The following ZNF385D variants were observed in gnomAD, a reference collection of about 807,000 sequenced individuals.
ZNF385D encodes zinc finger protein 385D.
ZNF385D carries 15 observed loss-of-function variants against 35.8 expected under a neutral mutation model. The observed-to-expected ratio is 0.42, with a 90% CI of 0.28 to 0.64. The LOEUF (loss-of-function observed/expected upper bound fraction) is 0.64. Among genes scored for constraint, ZNF385D ranks in the 30% least tolerant of loss-of-function variants. The pLI is 0.23. For missense variants in ZNF385D, 474 were observed against 494.6 expected (o/e 0.96, Z 0.39); for synonymous variants, 212 against 186.8 (o/e 1.13, Z -1.10).
intron 3 of ZNF385D, among the ~76,000 whole-genome samples, chr3:21,807,054 G>C (rs991720105): frequency 1.3e-5 from 2 of 151,970 alleles, no homozygotes; most frequent in African/African-American, 4.8e-5. Flanking sequence ...AACCAGAAGA[G>C]AGAAAGAAGG....
At chr3:21,977,843 A>AC (rs1246620524) in intron 3 of ZNF385D, among the ~76,000 whole-genome samples, 2 of 152,046 alleles carry the variant, frequency 1.3e-5, no homozygotes, top group East Asian at 3.9e-4. Flanking sequence ...CTCTAAAAAA[A>AC]GGAAAACAAA....
chr3:21,681,698 G>GAAAAAAAAAAAAAAAAAAAAAA (rs5847124), intron 1 of ZNF385D, among the ~76,000 whole-genome samples: 1 of 133,218 alleles, frequency 7.5e-6, no homozygotes, highest in Non-Finnish European at 1.6e-5. Context: ...AAAAAAAAAC[G>GAAAAAAAAAAAAAAAAAAAAAA]AAAAAAAAAA....
intron 2 of ZNF385D, among the ~76,000 whole-genome samples, chr3:22,272,100 C>T (rs1701207649): frequency 6.6e-6 from 1 of 151,928 alleles, no homozygotes; most frequent in Non-Finnish European, 1.5e-5. Context: ...GTGTCTCATG[C>T]TTCTGAAGAG....
Position 21,905,230 on chromosome 3 carries a change from C to CG in ZNF385D, c.326-240203_326-240202insC, listed in dbSNP as rs1210339543. On this transcript the variant is annotated intron_variant, in intron 3 of 5. Transcript: ENST00000494108. The stretch of plus-strand genomic sequence containing the variant: ...CAAAAAAAAAAAAAAAAAAAAAAAC[C>CG]CTAAACCTGCCTTTATTATTTTTAA... Among the ~76,000 whole-genome samples, 4 of 110,456 alleles carry CG rather than the reference C, an allele frequency of 3.6e-5. No individual in the cohort carries two copies. In the South Asian group the frequency reaches 8.7e-4, roughly 24 times the overall value. The allele number at this position is 110,456 out of a possible 152,430, so 72.5% of individuals were successfully genotyped here.
At chr3:21,925,792 C>A (rs1700698861) in intron 3 of ZNF385D, among the ~76,000 whole-genome samples, 2 of 151,556 alleles carry the variant, frequency 1.3e-5, no homozygotes, top group East Asian at 1.9e-4. Context: ...TAAAAAAAAC[C>A]CAAGCAATCC....
chr3:21,542,855 A>C (rs2062225302), intron 3 of ZNF385D: 1 of 152,240 alleles, frequency 6.6e-6, no homozygotes, highest in African/African-American at 2.4e-5. Flanking sequence ...TCACTCGATA[A>C]AACCCTGCTT....
At chr3:22,103,965 G>A (rs1702074304) in intron 3 of ZNF385D, among the ~76,000 whole-genome samples, 1 of 151,914 alleles carries the variant, frequency 6.6e-6, no homozygotes, top group Non-Finnish European at 1.5e-5. Context: ...TTGTATAAAA[G>A]CCAGCAGCAT....
chr3:21,571,399 T>A (rs1200040804), intron 2 of ZNF385D, among the ~76,000 whole-genome samples: 1 of 152,202 alleles, frequency 6.6e-6, no homozygotes, highest in Non-Finnish European at 1.5e-5. Context: ...AGGAATAAGC[T>A]ATTAAAAACA....
chr3:21,702,563 C>T (rs1299903956), intron 1 of ZNF385D, among the ~76,000 whole-genome samples: 1 of 152,316 alleles, frequency 6.6e-6, no homozygotes, highest in East Asian at 1.9e-4. Context: ...TTTCTGCAGC[C>T]AGCTTGAATT....
At chr3:22,102,063 CT>C (rs1477020400) in intron 3 of ZNF385D, among the ~76,000 whole-genome samples, 2 of 151,352 alleles carry the variant, frequency 1.3e-5, no homozygotes, top group Non-Finnish European at 2.9e-5. Flanking sequence ...AAGTGTAGCC[CT>C]AATATAAAAG....
intron 2 of ZNF385D, among the ~76,000 whole-genome samples, chr3:22,188,368 T>A (rs1695782413): frequency 6.6e-6 from 1 of 152,120 alleles, no homozygotes. Context: ...CATGGGAAAG[T>A]GCATTGAAAG....
intron 2 of ZNF385D, among the ~76,000 whole-genome samples, chr3:22,350,256 T>C (rs1242149773): frequency 6.6e-6 from 1 of 152,142 alleles, no homozygotes; most frequent in African/African-American, 2.4e-5. Flanking sequence ...GCATTGTTTT[T>C]ATGTCTTTTC....
intron 3 of ZNF385D, among the ~76,000 whole-genome samples, chr3:21,908,516 A>G (rs1699808156): frequency 6.6e-6 from 1 of 152,120 alleles, no homozygotes; most frequent in Non-Finnish European, 1.5e-5. Flanking sequence ...GATTGGAAAC[A>G]CTGTAACAGG....
At chr3:21,756,217 C>G (rs537793537) in intron 3 of ZNF385D, among the ~76,000 whole-genome samples, 1 of 152,016 alleles carries the variant, frequency 6.6e-6, no homozygotes, top group Admixed American at 6.6e-5. Context: ...GAAACAGTGG[C>G]GGTAGAAAAA....
At chr3:21,486,347 T>C (rs1284585253) in intron 4 of ZNF385D, among the ~76,000 whole-genome samples, 1 of 150,952 alleles carries the variant, frequency 6.6e-6, no homozygotes, top group Non-Finnish European at 1.5e-5. Flanking sequence ...TAAACCCAAG[T>C]GCTGGCCTTT....
chr3:22,148,096 G>T (rs115617735), intron 3 of ZNF385D, among the ~76,000 whole-genome samples: 1 of 152,076 alleles, frequency 6.6e-6, no homozygotes, highest in Non-Finnish European at 1.5e-5. Context: ...TTTATGAGTG[G>T]AATTCCAGTT....
intron 1 of ZNF385D, among the ~76,000 whole-genome samples, chr3:21,699,455 T>G (rs1403600665): frequency 6.6e-6 from 1 of 152,046 alleles, no homozygotes; most frequent in Non-Finnish European, 1.5e-5. Context: ...ACCTGCACAT[T>G]CTGCACATGT....
At chr3:21,937,233 TA>T (rs1036663322) in intron 3 of ZNF385D, among the ~76,000 whole-genome samples, 1 of 152,048 alleles carries the variant, frequency 6.6e-6, no homozygotes, top group South Asian at 2.1e-4. Context: ...ATGTAAGCCT[TA>T]AAAAAATAAA....
chr3:21,571,673 C>T (rs1283962100), intron 2 of ZNF385D, among the ~76,000 whole-genome samples: 2 of 152,168 alleles, frequency 1.3e-5, no homozygotes, highest in African/African-American at 4.8e-5. Flanking sequence ...CCACAAGCCA[C>T]CTGCATTTGT....
Sources: allele counts gnomAD v4.1 joint callset (sites outside exome capture counted in the v4.1 genomes callset), GRCh38; gene constraint gnomAD v4.1.1; transcripts MANE v1.5; gene names NCBI Gene and HGNC (gene_info 2026-07-23, HGNC 2026-07-21).